Variants in SNX30 observed in about 807,000 individuals in gnomAD.
SNX30 encodes sorting nexin-30.
Under a neutral mutation model 46.4 loss-of-function variants are expected in SNX30, and 24 were observed. That is an observed-to-expected ratio of 0.52 (90% CI 0.37 to 0.73). SNX30 has a LOEUF of 0.73. SNX30 is among the 30% of genes least tolerant of loss of function. The probability of loss-of-function intolerance (pLI) is 0.00; values close to 1 mark genes in which losing one functional copy is unlikely to be tolerated. For synonymous variants in SNX30, 189 were observed against 211.5 expected (o/e 0.89, Z 0.92); for missense variants, 533 against 555.7 (o/e 0.96, Z 0.41).
At chr9:112,882,720 CGGT>C (rs1369605505), downstream of SNX30, among the ~76,000 whole-genome samples, 1 of 151,934 alleles carries the variant, frequency 6.6e-6, no homozygotes, top group Non-Finnish European at 1.5e-5. Flanking sequence ...TTTCTACCCT[CGGT>C]GGGTGGTGCC....
intron 1 of SNX30, among the ~76,000 whole-genome samples, chr9:112,753,549 A>G (rs185330716): frequency 6.6e-6 from 1 of 152,248 alleles, no homozygotes; most frequent in Non-Finnish European, 1.5e-5. Flanking sequence ...TGACCAGGTA[A>G]TTTGTGTATT....
At chr9:112,848,985 C>T (rs1840982839) in intron 6 of SNX30, among the ~76,000 whole-genome samples, 1 of 152,232 alleles carries the variant, frequency 6.6e-6, no homozygotes, top group African/African-American at 2.4e-5. Context: ...AGTTAGGAGG[C>T]TCTTGCCACA....
chr9:112,882,292 A>G (rs1169963066), downstream of SNX30, among the ~76,000 whole-genome samples: 1 of 152,034 alleles, frequency 6.6e-6, no homozygotes, highest in African/African-American at 2.4e-5. Flanking sequence ...TTTTTTGTAG[A>G]GTTGGGGTCT....
At chr9:112,845,273 A>G (rs542614338) in intron 6 of SNX30, among the ~76,000 whole-genome samples, 1 of 152,316 alleles carries the variant, frequency 6.6e-6, no homozygotes, top group African/African-American at 2.4e-5. Flanking sequence ...TTGAGAGTTA[A>G]TAAGTACTTT....
At chr9:112,836,900 T>TG (rs1840763057) in intron 5 of SNX30, among the ~76,000 whole-genome samples, 1 of 152,192 alleles carries the variant, frequency 6.6e-6, no homozygotes. Flanking sequence ...CACTCCTGCA[T>TG]GGGGGAGTTG....
At chr9:112,879,971 A>G, downstream of SNX30, 1 of 595,432 alleles carries the variant, frequency 1.7e-6, no homozygotes, top group Non-Finnish European at 3.1e-6. Context: ...ACTGTGACCC[A>G]TCTCCCTGCA....
At chr9:112,779,490 A>C (rs1390122630) in intron 1 of SNX30, among the ~76,000 whole-genome samples, 2 of 152,152 alleles carry the variant, frequency 1.3e-5, no homozygotes, top group South Asian at 2.1e-4. Context: ...TGAGGTCAGG[A>C]GTTTGAGACC....
intron 7 of SNX30, among the ~76,000 whole-genome samples, chr9:112,852,706 C>T (rs917886005): frequency 2.0e-5 from 3 of 152,118 alleles, no homozygotes; most frequent in South Asian, 4.1e-4. Flanking sequence ...TGCTACCTAC[C>T]ATTACATCAC....
chr9:112,879,851 G>A (rs1187144156), downstream of SNX30: 2 of 1,595,642 alleles, frequency 1.3e-6, no homozygotes, highest in African/African-American at 2.7e-5. Flanking sequence ...AGTTACAAGA[G>A]AACAGCTGGA....
intron 1 of SNX30, among the ~76,000 whole-genome samples, chr9:112,787,656 G>A (rs1422488160): frequency 6.6e-6 from 1 of 151,934 alleles, no homozygotes; most frequent in East Asian, 1.9e-4. Context: ...TAACATCTAA[G>A]CTCCCAAAGA....
chr9:112,839,735 C>T (rs1840825607), intron 6 of SNX30, among the ~76,000 whole-genome samples: 1 of 152,176 alleles, frequency 6.6e-6, no homozygotes, highest in South Asian at 2.1e-4. Context: ...CAAAGGAGAC[C>T]TCTGAATGAT....
Position 112,750,792 on chromosome 9 carries a change from T to C in SNX30, c.-210T>C. 5.3e-6 allele frequency: 1 copy of C among 189,334 alleles called. No homozygotes were observed. Among genetic ancestry groups the C allele is most frequent in the Non-Finnish European group, 9.5e-6 (1 of 105,236 alleles). 11.7% of individuals were successfully genotyped at this position (189,334 alleles called of 1,614,324 possible). A position where few individuals can be genotyped will look rare whatever the true frequency, so the allele number is the denominator to read the frequency against. On this transcript the variant is annotated 5_prime_UTR_variant, in exon 1 of 9. Coordinates refer to ENST00000374232, the MANE Select transcript of SNX30 (RefSeq NM_001012994.2). Reference sequence around the variant, plus strand: ...TGCTGCCAGCGGACCCGCGGCGGGCTCGGGCGCGGAGCGGGGGCGCGCGGC... The same window carrying C: ...TGCTGCCAGCGGACCCGCGGCGGGCCCGGGCGCGGAGCGGGGGCGCGCGGC...
chr9:112,865,659 A>ATATATATATATATG (rs1554757338), intron 8 of SNX30, among the ~76,000 whole-genome samples: 1 of 79,698 alleles, frequency 1.3e-5, no homozygotes, highest in Non-Finnish European at 2.5e-5. Flanking sequence ...ATATATATAT[A>ATATATATATATATG]TATGTATGTA....
chr9:112,882,283 T>C (rs1841589318), downstream of SNX30, among the ~76,000 whole-genome samples: 1 of 152,104 alleles, frequency 6.6e-6, no homozygotes, highest in African/African-American at 2.4e-5. Context: ...ATTTATTAAT[T>C]TTTTGTAGAG....
intron 2 of SNX30, among the ~76,000 whole-genome samples, chr9:112,816,463 T>G (rs1043163078): frequency 7.2e-5 from 11 of 152,362 alleles, no homozygotes; most frequent in African/African-American, 2.4e-4. Context: ...TCCCCACATC[T>G]TCACCCTTGC....
intron 8 of SNX30, among the ~76,000 whole-genome samples, chr9:112,868,090 C>T (rs1278073620): frequency 6.6e-6 from 1 of 152,160 alleles, no homozygotes; most frequent in African/African-American, 2.4e-5. Flanking sequence ...GTGTCTGGGC[C>T]AGTTATTTAA....
chr9:112,767,514 C>T (rs535463652), intron 1 of SNX30, among the ~76,000 whole-genome samples: 2 of 152,158 alleles, frequency 1.3e-5, no homozygotes. Context: ...TGAAGCTTTT[C>T]CCCTATGTTT....
At chr9:112,858,772 C>G (rs1841176977) in intron 7 of SNX30, among the ~76,000 whole-genome samples, 1 of 152,138 alleles carries the variant, frequency 6.6e-6, no homozygotes, top group South Asian at 2.1e-4. Flanking sequence ...CTCTCTGATT[C>G]ACCACCTCCT....
downstream of SNX30, among the ~76,000 whole-genome samples, chr9:112,883,182 G>A (rs1841602203): frequency 1.3e-5 from 2 of 152,162 alleles, no homozygotes; most frequent in African/African-American, 4.8e-5. Flanking sequence ...ATGGGAGTGG[G>A]GGAGTGAGAC....
Sources: gnomAD v4.1 joint callset for allele counts (sites outside exome capture counted in the v4.1 genomes callset) on GRCh38, gnomAD v4.1.1 for gene constraint, MANE v1.5 for transcripts, NCBI Gene and HGNC (gene_info 2026-07-23, HGNC 2026-07-21) for gene names.